NDST4: variants seen among roughly 807,000 people sequenced by gnomAD.
The protein encoded by NDST4 is N-heparan sulfate sulfotransferase 4.
A neutral mutation model predicts 100.8 loss-of-function variants in NDST4; 63 were observed. That is an observed-to-expected ratio of 0.62 (90% CI 0.51 to 0.77). NDST4 has a LOEUF of 0.77. Among genes scored for constraint, NDST4 ranks in the 30% least tolerant of loss-of-function variants. The pLI is 0.00. For missense variants in NDST4, 943 were observed against 1,018.4 expected (o/e 0.93, Z 1.01); for synonymous variants, 377 against 361.8 (o/e 1.04, Z -0.48).
intron 2 of NDST4, among the ~76,000 whole-genome samples, chr4:115,020,813 G>A (rs957897805): frequency 6.6e-6 from 1 of 152,034 alleles, no homozygotes; most frequent in Non-Finnish European, 1.5e-5. Flanking sequence ...ATGAAAAAAT[G>A]CTCATCTCCA....
At position 114,844,692 on chromosome 4, in the gene NDST4, A is replaced by C. The variant is rs1168872202; in HGVS notation, c.2115+1131T>G. ...TCTACACATTAGACAAACAACTTTT[A>C]ATTACTATTTTATTAATTAAAACCA... is the stretch of plus-strand genomic sequence containing the variant. On this transcript the variant is annotated intron_variant, in intron 10 of 13. Coordinates refer to ENST00000264363, the MANE Select transcript of NDST4 (RefSeq NM_022569.3). 2.0e-5 allele frequency among the ~76,000 whole-genome samples: 3 copies of C among 152,250 alleles called. No homozygotes were observed. The East Asian group carries it at 5.8e-4, about 29-fold the overall frequency.
chr4:115,031,480 C>T (rs972567811), intron 2 of NDST4, among the ~76,000 whole-genome samples: 1 of 152,034 alleles, frequency 6.6e-6, no homozygotes, highest in Non-Finnish European at 1.5e-5. Context: ...AGAGTACTGC[C>T]TGACCAACCT....
chr4:114,977,960 C>A (rs957596596), intron 2 of NDST4, among the ~76,000 whole-genome samples: 1 of 151,912 alleles, frequency 6.6e-6, no homozygotes, highest in Non-Finnish European at 1.5e-5. Context: ...GGTTTGTGGA[C>A]AGGATAATAA....
At chr4:114,843,281 A>C (rs1014835645) in intron 10 of NDST4, among the ~76,000 whole-genome samples, 3 of 152,232 alleles carry the variant, frequency 2.0e-5, no homozygotes, top group Non-Finnish European at 4.4e-5. Flanking sequence ...GAATGCAGGC[A>C]GGGTTGCCCC....
At chr4:115,049,247 T>C (rs186105106) in intron 2 of NDST4, among the ~76,000 whole-genome samples, 1 of 151,998 alleles carries the variant, frequency 6.6e-6, no homozygotes, top group Admixed American at 6.6e-5. Flanking sequence ...AAATAACGTG[T>C]CTTTTGCAAA....
chr4:115,025,737 T>TAA (rs1454526660), intron 2 of NDST4, among the ~76,000 whole-genome samples: 12 of 152,146 alleles, frequency 7.9e-5, no homozygotes, highest in Admixed American at 7.9e-4. Flanking sequence ...AGACATAATT[T>TAA]AAAGTGATGC....
At chr4:114,905,771 T>G (rs1724936509) in intron 6 of NDST4, among the ~76,000 whole-genome samples, 1 of 152,028 alleles carries the variant, frequency 6.6e-6, no homozygotes, top group Non-Finnish European at 1.5e-5. Flanking sequence ...TTCATTTACT[T>G]CATTAAAGAT....
At chr4:114,887,282 G>T (rs918367749) in intron 6 of NDST4, among the ~76,000 whole-genome samples, 2 of 152,158 alleles carry the variant, frequency 1.3e-5, no homozygotes, top group African/African-American at 4.8e-5. Flanking sequence ...AAAATTGATA[G>T]ACTTCAGAAA....
At chr4:114,833,045 T>C (rs1723235910) in intron 12 of NDST4, among the ~76,000 whole-genome samples, 1 of 152,214 alleles carries the variant, frequency 6.6e-6, no homozygotes. Flanking sequence ...GTATCCTGTC[T>C]AATTCCTGAC....
At chr4:114,846,321 A>G (rs1723549314) in intron 9 of NDST4, among the ~76,000 whole-genome samples, 1 of 152,222 alleles carries the variant, frequency 6.6e-6, no homozygotes, top group African/African-American at 2.4e-5. Flanking sequence ...CCTGTGGCAA[A>G]TAGCAAATTA....
intron 6 of NDST4, among the ~76,000 whole-genome samples, chr4:114,893,593 T>G (rs1396432091): frequency 6.6e-6 from 1 of 152,160 alleles, no homozygotes; most frequent in Non-Finnish European, 1.5e-5. Flanking sequence ...GATGTGTTTT[T>G]TTTTTCTTGT....
intron 2 of NDST4, among the ~76,000 whole-genome samples, chr4:115,060,028 C>T (rs1048871971): frequency 2.6e-5 from 4 of 151,832 alleles, no homozygotes; most frequent in Non-Finnish European, 4.4e-5. Context: ...TTCCACTGTC[C>T]CCATATTGCT....
chr4:114,922,279 A>G (rs1056439310), intron 6 of NDST4, among the ~76,000 whole-genome samples: 2 of 152,194 alleles, frequency 1.3e-5, no homozygotes, highest in Admixed American at 1.3e-4. Flanking sequence ...TTTAATTGGT[A>G]TATGATCTTC....
Position 115,076,471 on chromosome 4 carries a change from G to A in NDST4, c.566C>T (p.Ala189Val). 2 of 1,613,954 alleles carry A rather than the reference G, an allele frequency of 1.2e-6. No individual in the cohort carries two copies. Among genetic ancestry groups the A allele is most frequent in the South Asian group, 2.2e-5 (2 of 91,082 alleles). ...AGGGTTAACAAAACAGTCCTTTAGA[G>A]CTAGATTATTGAAAAGGTTTAACGG... The part of the protein sequence containing the change: ...GFPLNLFNNL[A>V]LKDCFVNPQS... The change falls in exon 2 of 14, where the codon GCT becomes GTT. Residue 189 changes from alanine to valine, a missense_variant. Ala to Val is a moderately conservative substitution (Grantham distance 64, BLOSUM62 0). Around this residue, in one of 2 missense-constraint regions of NDST4, gnomAD observed 417 missense variants for 384.2 expected, o/e 1.09. Coordinates refer to ENST00000264363, the MANE Select transcript of NDST4 (RefSeq NM_022569.3).
chr4:114,932,745 A>G (rs889451984), intron 6 of NDST4, among the ~76,000 whole-genome samples: 2 of 151,996 alleles, frequency 1.3e-5, no homozygotes, highest in African/African-American at 4.8e-5. Flanking sequence ...ACAGCATCAA[A>G]AAAATACTTA....
At chr4:114,835,292 G>A (rs1723285161) in intron 11 of NDST4, among the ~76,000 whole-genome samples, 1 of 152,122 alleles carries the variant, frequency 6.6e-6, no homozygotes, top group African/African-American at 2.4e-5. Flanking sequence ...CTTTACCTGT[G>A]TCCCAGTGAT....
chr4:114,999,875 G>A (rs908202366), intron 2 of NDST4, among the ~76,000 whole-genome samples: 4 of 151,860 alleles, frequency 2.6e-5, no homozygotes, highest in Non-Finnish European at 4.4e-5. Flanking sequence ...TGATATGTCT[G>A]GAAGGCCCTT....
rs983249143 is a variant in NDST4, at chr4:114,924,705, G to A, written c.1536+10501C>T. On this transcript the variant is annotated intron_variant, in intron 6 of 13. Transcript: ENST00000264363. ...CCTGAGTTCCGGAGAGGGGCTAGGG[G>A]ATGAAGAGACGTTGATTAATGGGTA... Among the ~76,000 whole-genome samples the A allele has an allele frequency of 2.0e-5, 3 of 152,118 alleles. No individual in the cohort carries two copies. In the East Asian group the frequency reaches 5.8e-4, roughly 29 times the overall value.
intron 6 of NDST4, among the ~76,000 whole-genome samples, chr4:114,914,004 A>G (rs1050225895): frequency 6.6e-6 from 1 of 152,142 alleles, no homozygotes; most frequent in Non-Finnish European, 1.5e-5. Context: ...CAACCATAAA[A>G]ATGGAATAAG....
Sources: gnomAD v4.1 joint callset for allele counts (sites outside exome capture counted in the v4.1 genomes callset) on GRCh38, gnomAD v4.1.1 for gene constraint, gnomAD v4.1.1 regional missense constraint, MANE v1.5 for transcripts, NCBI Gene and HGNC (gene_info 2026-07-23, HGNC 2026-07-21) for gene names.